Variants in NXF2 observed in about 807,000 individuals in gnomAD.
NXF2 encodes nuclear RNA export factor 2.
intron 2 of NXF2, among the ~76,000 whole-genome samples, chrX:102,282,093 C>T (rs1602440617): frequency 1.2e-5 from 1 of 80,277 alleles, no homozygotes. Context: ...GCTGGGATTA[C>T]AGCCGTGAGC....
chrX:102,248,805 A>G (rs1348382166), intron 2 of NXF2, among the ~76,000 whole-genome samples: 1 of 35,699 alleles, frequency 2.8e-5, no homozygotes, highest in Non-Finnish European at 4.5e-5. Flanking sequence ...ACCTCACGCC[A>G]GGTAGAGCCA....
intron 2 of NXF2, among the ~76,000 whole-genome samples, chrX:102,251,667 T>C (rs1305582102): frequency 1.7e-5 from 1 of 60,260 alleles, no homozygotes; most frequent in Non-Finnish European, 3.1e-5. Context: ...ACTGTTTTTA[T>C]ACTTTTTGTT....
At chrX:102,298,785 T>C (rs1161175747) in intron 2 of NXF2, among the ~76,000 whole-genome samples, 2 of 114,637 alleles carry the variant, frequency 1.7e-5, no homozygotes, top group African/African-American at 6.3e-5. Context: ...TTGAGGATCA[T>C]GATGGAAAAT....
chrX:102,298,592 T>C, intron 2 of NXF2, among the ~76,000 whole-genome samples: 1 of 87,458 alleles, frequency 1.1e-5, no homozygotes, highest in Non-Finnish European at 2.2e-5. Flanking sequence ...GCATGCATTC[T>C]CCTTACCCTC....
intron 2 of NXF2, among the ~76,000 whole-genome samples, chrX:102,298,780 G>A (rs1934009362): frequency 8.7e-6 from 1 of 114,622 alleles, no homozygotes; most frequent in African/African-American, 3.2e-5. Flanking sequence ...CCAAATTGAG[G>A]ATCATGATGG....
chrX:102,248,718 A>C (rs1468995372), intron 2 of NXF2, among the ~76,000 whole-genome samples, 160 bp downstream of exon 2: 5 of 41,612 alleles, frequency 1.2e-4, no homozygotes, highest in Non-Finnish European at 7.7e-5. Context: ...GGCTGAACAC[A>C]TGGTACCCTA....
intron 2 of NXF2, among the ~76,000 whole-genome samples, chrX:102,281,730 C>A (rs868989083): frequency 2.0e-4 from 15 of 74,640 alleles, no homozygotes; most frequent in South Asian, 2.2e-3. Context: ...GTCGTGTGAC[C>A]CCCCCCCTCC....
chrX:102,282,196 G>T (rs1369718529), intron 2 of NXF2, among the ~76,000 whole-genome samples: 22 of 87,680 alleles, frequency 2.5e-4, no homozygotes, highest in Non-Finnish European at 4.2e-4. Flanking sequence ...CCATGGTGAG[G>T]TTTGTGGGAA....
chrX:102,248,437 G>T lies in NXF2; in HGVS notation c.-175G>T, dbSNP rs1394478422. ...CACTGATGTCCTTTTTCTATTCTAGGATCTTATCCAGGACGCTTCATTGCA... is the reference window on the plus strand; with the variant it reads ...CACTGATGTCCTTTTTCTATTCTAGTATCTTATCCAGGACGCTTCATTGCA... On this transcript the variant is annotated splice_region_variant and 5_prime_UTR_variant, in exon 2 of 23. Coordinates refer to ENST00000625106, the MANE Select transcript of NXF2 (RefSeq NM_022053.4). The T allele has an allele frequency of 4.3e-5, 3 of 69,968 alleles. No homozygotes were observed. The highest frequency in any genetic ancestry group is 7.5e-5 in the Non-Finnish European group (3 of 39,843). The allele number at this position is 69,968 out of a possible 1,213,427, so 5.8% of individuals were successfully genotyped here. A position where few individuals can be genotyped will look rare whatever the true frequency, so the allele number is the denominator to read the frequency against.
chrX:102,251,916 G>A (rs1933823987), intron 2 of NXF2, among the ~76,000 whole-genome samples: 2 of 113,997 alleles, frequency 1.8e-5, no homozygotes, highest in South Asian at 3.4e-4. Context: ...CATTGCCTCC[G>A]GAATTTGAAT....
chrX:102,282,449 T>C (rs1556384134), intron 2 of NXF2, among the ~76,000 whole-genome samples: 2 of 111,810 alleles, frequency 1.8e-5, no homozygotes, highest in Non-Finnish European at 3.8e-5. Context: ...TTCAGGACTA[T>C]GTTTTGGTTC....
At chrX:102,254,476 T>A (rs1365170265) in intron 2 of NXF2, among the ~76,000 whole-genome samples, 2 of 85,979 alleles carry the variant, frequency 2.3e-5, no homozygotes, top group Non-Finnish European at 2.2e-5. Context: ...ATTGTCCCTA[T>A]CTACATTCCC....
At chrX:102,278,868 ATT>A (rs1285455941) in intron 2 of NXF2, among the ~76,000 whole-genome samples, 2 of 427 alleles carry the variant, frequency 4.7e-3, no homozygotes, top group African/African-American at 7.2e-3. Flanking sequence ...TATCCATTGT[ATT>A]TTTTTTTTTT....
Position 102,248,542 on chromosome X carries a change from T to C in NXF2, c.-70T>C, listed in dbSNP as rs1602437260. 1 of 88,489 alleles carries C rather than the reference T, an allele frequency of 1.1e-5. No homozygotes were observed. Among genetic ancestry groups the C allele is most frequent in the African/African-American group, 4.2e-5 (1 of 23,707 alleles). The allele number at this position is 88,489 out of a possible 1,213,427, so 7.3% of individuals were successfully genotyped here. ...TTGGTCTTCCACAGCCCTGACACTT[T>C]TGGAGATACCAGTCAGGTATTTTGT... On this transcript the variant is annotated 5_prime_UTR_variant, in exon 2 of 23. Transcript: ENST00000625106.
At chrX:102,293,487 A>T (rs1420948309) in intron 2 of NXF2, among the ~76,000 whole-genome samples, 1 of 8,625 alleles carries the variant, frequency 1.2e-4, no homozygotes, top group Non-Finnish European at 2.1e-4. Flanking sequence ...GATTTTGTTG[A>T]TTCTCTCTAT....
chrX:102,282,397 A>G (rs1230276323), intron 2 of NXF2, among the ~76,000 whole-genome samples: 3 of 114,069 alleles, frequency 2.6e-5, no homozygotes, highest in African/African-American at 9.5e-5. Context: ...TCTCCACACC[A>G]TGCTGCTGTG....
At chrX:102,281,439 C>A (rs1933911005) in intron 2 of NXF2, among the ~76,000 whole-genome samples, 1 of 114,084 alleles carries the variant, frequency 8.8e-6, no homozygotes, top group Non-Finnish European at 1.9e-5. Flanking sequence ...TAGGTCCTTT[C>A]CTTCAAGGCA....
chrX:102,274,509 TTCTTCTTCTTCTTCC>T (rs1933886737), intron 2 of NXF2, among the ~76,000 whole-genome samples: 13 of 3,942 alleles, frequency 3.3e-3, no homozygotes, highest in African/African-American at 5.8e-3. Context: ...CTTCTTCTTC[TTCTTCTTCTTCTTCC>T]TCTTCCTCTT....
chrX:102,293,579 G>GT (rs1312898293), intron 2 of NXF2, among the ~76,000 whole-genome samples: 9 of 15,724 alleles, frequency 5.7e-4, no homozygotes, highest in Admixed American at 1.6e-3. Flanking sequence ...AGTTTTGTTT[G>GT]TTTTTTTTTT....
Sources: gnomAD v4.1 joint callset for allele counts (sites outside exome capture counted in the v4.1 genomes callset) on GRCh38, gnomAD v4.1.1 for gene constraint, MANE v1.5 for transcripts, NCBI Gene and HGNC (gene_info 2026-07-23, HGNC 2026-07-21) for gene names.